The following DAB1 variants were observed in gnomAD, a reference collection of about 807,000 sequenced individuals.
DAB1 encodes DAB adaptor protein 1.
In DAB1, 15 loss-of-function variants were observed where a neutral mutation model predicts 64.6. The observed-to-expected ratio is 0.23, with a 90% CI of 0.16 to 0.36. The LOEUF (loss-of-function observed/expected upper bound fraction) is 0.36. DAB1 is among the 10% of genes least tolerant of loss of function. DAB1 has a pLI of 1.00. For synonymous variants in DAB1, 235 were observed against 251.9 expected (o/e 0.93, Z 0.64); for missense variants, 596 against 706.7 (o/e 0.84, Z 1.78).
chr1:57,435,621 G>A (rs1191195035), intron 7 of DAB1, among the ~76,000 whole-genome samples: 4 of 152,130 alleles, frequency 2.6e-5, no homozygotes, highest in Non-Finnish European at 5.9e-5. Flanking sequence ...GGGCCCAGGA[G>A]CATCCATATC....
chr1:57,168,246 ATAAAAT>A (rs902817504), intron 2 of DAB1, among the ~76,000 whole-genome samples: 1 of 152,310 alleles, frequency 6.6e-6, no homozygotes, highest in African/African-American at 2.4e-5. Context: ...TTCAAACCCA[ATAAAAT>A]GAAAACTTCT....
intron 2 of DAB1, among the ~76,000 whole-genome samples, chr1:57,180,668 A>T (rs1569781705): frequency 6.6e-6 from 1 of 151,166 alleles, no homozygotes; most frequent in East Asian, 2.0e-4. Flanking sequence ...AAATAAAAGG[A>T]CTCCCCCCCA....
chr1:58,192,386 C>T lies in DAB1; in HGVS notation n.310-41798G>A, dbSNP rs989447620. On this transcript the variant is annotated intron_variant and non_coding_transcript_variant, in intron 4 of 20. Transcript: ENST00000485760. ...TCACTTGAATAGTGAACACTGCAAA[C>T]AATAGTTAATTTTTCAACCCTCACC... Among the ~76,000 whole-genome samples, 6 of 152,132 alleles carry T rather than the reference C, an allele frequency of 3.9e-5. No individual in the cohort carries two copies. In the South Asian group the frequency reaches 6.2e-4, roughly 16 times the overall value.
rs1337731370 is a variant in DAB1 at position 56,997,924 on chromosome 1, C to T, written c.*220G>A. 1 of 152,468 alleles carries T rather than the reference C, an allele frequency of 6.6e-6. No individual in the cohort carries two copies. The highest frequency in any genetic ancestry group is 1.5e-5 in the Non-Finnish European group (1 of 68,042). The allele number at this position is 152,468 out of a possible 1,614,324, so 9.4% of individuals were successfully genotyped here. Reference sequence around the variant, plus strand: ...TTTTTTTGTGTGCTGCCATAGATATCTGCCATTGGTTGCCAAAAATGCTTA... The same window carrying T: ...TTTTTTTGTGTGCTGCCATAGATATTTGCCATTGGTTGCCAAAAATGCTTA... On this transcript the variant is annotated 3_prime_UTR_variant, in exon 15 of 15. Transcript: ENST00000371236.
In DAB1 at chr1:58,109,581, TC is replaced by T. The variant is rs1228801210; in HGVS notation, n.387+40929del. ...GTCATTCCTCTCAAAAACCAAACAC[TC>T]TTTGTATTTTTAGTAGCCTAAAAAA... On this transcript the variant is annotated intron_variant and non_coding_transcript_variant, in intron 5 of 20. Coordinates refer to the DAB1 transcript ENST00000485760. Among the ~76,000 whole-genome samples the T allele has an allele frequency of 2.6e-5, 4 of 151,848 alleles. No individual in the cohort carries two copies. The East Asian group carries it at 7.7e-4, about 29-fold the overall frequency.
At chr1:57,339,164 T>C (rs562199912) in intron 1 of DAB1, among the ~76,000 whole-genome samples, 1 of 151,166 alleles carries the variant, frequency 6.6e-6, no homozygotes, top group Non-Finnish European at 1.5e-5. Context: ...AATTATTATT[T>C]TTTTTTTTCG....
chr1:57,311,842 T>G (rs1674737195), intron 1 of DAB1, among the ~76,000 whole-genome samples: 1 of 152,264 alleles, frequency 6.6e-6, no homozygotes, highest in Non-Finnish European at 1.5e-5. Context: ...CATAATACAA[T>G]GGCAATAAAC....
In DAB1 at chr1:57,207,446, C is replaced by CTTTTTTTTTTTTT. The variant is rs772989513; in HGVS notation, c.68-62030_68-62018dup. On this transcript the variant is annotated intron_variant, in intron 2 of 14. Transcript: ENST00000371236. ...CTGTAATTCATACCTTATTTCCTTT[C>CTTTTTTTTTTTTT]TTTTTTTTTTTTTTTGAGATGGAGT... Among the ~76,000 whole-genome samples the CTTTTTTTTTTTTT allele has an allele frequency of 1.0e-3, 99 of 98,414 alleles. 11 individuals are homozygous for CTTTTTTTTTTTTT. Among genetic ancestry groups the CTTTTTTTTTTTTT allele is most frequent in the South Asian group, 6.0e-3 (19 of 3,170 alleles). 64.6% of individuals were successfully genotyped at this position (98,414 alleles called of 152,430 possible). A position where few individuals can be genotyped will look rare whatever the true frequency, so the allele number is the denominator to read the frequency against.
At chr1:58,167,256 T>C (rs1430627513) in intron 4 of DAB1, among the ~76,000 whole-genome samples, 2 of 152,100 alleles carry the variant, frequency 1.3e-5, no homozygotes, top group African/African-American at 4.8e-5. Flanking sequence ...CAGCACTCTG[T>C]AAAAATGCAC....
At chr1:58,415,151 CT>C (rs796709641) in intron 3 of DAB1, among the ~76,000 whole-genome samples, 3 of 149,636 alleles carry the variant, frequency 2.0e-5, no homozygotes, top group Admixed American at 6.7e-5. Flanking sequence ...ATCTGTCCCC[CT>C]CTCTCTCTCT....
At chr1:58,101,181 G>T (rs369526340) in intron 5 of DAB1, among the ~76,000 whole-genome samples, 1 of 152,150 alleles carries the variant, frequency 6.6e-6, no homozygotes. Flanking sequence ...GCCGGGCATG[G>T]TGGTGGGCAC....
chr1:57,439,420 T>TTTTTTTG (rs1363390519), intron 7 of DAB1, among the ~76,000 whole-genome samples: 3 of 118,642 alleles, frequency 2.5e-5, no homozygotes, highest in African/African-American at 1.1e-4. Context: ...GTGATGAGGT[T>TTTTTTTG]TTTTCTTTTT....
chr1:57,283,545 G>A (rs1054490987), intron 2 of DAB1, among the ~76,000 whole-genome samples: 12 of 152,058 alleles, frequency 7.9e-5, no homozygotes, highest in Non-Finnish European at 1.5e-4. Flanking sequence ...TCTAAGATAC[G>A]AACTACTATT....
intron 3 of DAB1, among the ~76,000 whole-genome samples, chr1:58,379,275 G>C (rs1644366323): frequency 6.6e-6 from 1 of 152,202 alleles, no homozygotes; most frequent in South Asian, 2.1e-4. Flanking sequence ...TATACACATG[G>C]AATGTAATAA....
At chr1:57,572,399 G>A (rs1383874269) in intron 7 of DAB1, among the ~76,000 whole-genome samples, 4 of 152,200 alleles carry the variant, frequency 2.6e-5, no homozygotes, top group Non-Finnish European at 1.5e-5. Context: ...GGTGTTTGAT[G>A]CAAGCACATA....
intron 5 of DAB1, among the ~76,000 whole-genome samples, chr1:58,125,757 C>T (rs777785367): frequency 6.6e-6 from 1 of 152,132 alleles, no homozygotes; most frequent in East Asian, 1.9e-4. Flanking sequence ...CACCTTAACA[C>T]TTTTTATGGG....
intron 7 of DAB1, among the ~76,000 whole-genome samples, chr1:57,585,339 A>AT (rs1558516829): frequency 1.3e-5 from 2 of 149,332 alleles, no homozygotes. Context: ...ACAAAGTTAG[A>AT]TTTTTAAAGA....
chr1:58,438,679 G>A (rs1257396009), intron 3 of DAB1, among the ~76,000 whole-genome samples: 1 of 152,206 alleles, frequency 6.6e-6, no homozygotes, highest in Non-Finnish European at 1.5e-5. Context: ...GCAGTGTCTG[G>A]ACATTCACAT....
chr1:57,918,218 A>G (rs931907688), intron 5 of DAB1, among the ~76,000 whole-genome samples: 15 of 152,306 alleles, frequency 9.8e-5, no homozygotes, highest in African/African-American at 3.4e-4. Flanking sequence ...GTATAAGCAA[A>G]TAGGCATGGC....
Sources: allele counts gnomAD v4.1 joint callset (sites outside exome capture counted in the v4.1 genomes callset), GRCh38; gene constraint gnomAD v4.1.1; transcripts MANE v1.5; gene names NCBI Gene and HGNC (gene_info 2026-07-23, HGNC 2026-07-21).